The following TLR9 variants were observed in gnomAD, a reference collection of about 807,000 sequenced individuals.
TLR9 encodes toll like receptor 9.
TLR9 carries 19 observed loss-of-function variants against 24.6 expected under a neutral mutation model. The observed-to-expected ratio is 0.77, with a 90% CI of 0.54 to 1.13. TLR9 has a LOEUF of 1.13. Among genes scored for constraint, TLR9 ranks in the 50% most tolerant of loss-of-function variants. The pLI is 0.00. For missense variants in TLR9, 1,065 were observed against 1,379.6 expected, an observed-to-expected ratio of 0.77 and a Z score of 3.61; for synonymous variants, 579 against 609.8, an observed-to-expected ratio of 0.95 and a Z score of 0.74.
Position 52,223,725 on chromosome 3 carries a change from G to C in TLR9, c.591C>G (p.Gly197=). The C allele has an allele frequency of 6.3e-7, 1 of 1,580,906 alleles. No homozygotes were observed. Among genetic ancestry groups the C allele is most frequent in the East Asian group, 2.2e-5 (1 of 44,532 alleles). ...ALEVAPGALL[G]LGNLTHLSLK... is the part of the protein sequence containing the mutation. Reference sequence around the variant, plus strand: ...GTGACAGGTGGGTGAGGTTGCCCAGGCCAAGGAGGGCACCCGGGGCCACCT... The same window carrying C: ...GTGACAGGTGGGTGAGGTTGCCCAGCCCAAGGAGGGCACCCGGGGCCACCT... The change falls in exon 2 of 2, where the codon GGC becomes GGG. Residue 197 remains glycine (G), a synonymous_variant. Transcript: ENST00000360658.
In TLR9 at chr3:52,221,817, G is replaced by A; in HGVS notation, c.2499C>T (p.Pro833=). The A allele has an allele frequency of 1.2e-6, 2 of 1,614,006 alleles. No individual in the cohort carries two copies. Among genetic ancestry groups the A allele is most frequent in the Non-Finnish European group, 1.7e-6 (2 of 1,180,022 alleles). The change falls in exon 2 of 2, where the codon CCC becomes CCT. Residue 833 remains proline (P), a synonymous_variant. Transcript: ENST00000360658. This position sits in a 1 kb window ranked among gnomAD's most constrained non-coding sequence, Gnocchi z 9.9. ...LLAVALGLGV[P]MLHHLCGWDL... is the part of the protein sequence containing the mutation. Reference sequence around the variant, plus strand: ...CCCAGCCACAGAGGTGATGCAGCATGGGCACACCCAGGCCCAGAGCCACAG... The same window carrying A: ...CCCAGCCACAGAGGTGATGCAGCATAGGCACACCCAGGCCCAGAGCCACAG...
chr3:52,222,941 C>A lies in TLR9; in HGVS notation c.1375G>T (p.Asp459Tyr), dbSNP rs746272802. The change falls in exon 2 of 2, where the codon GAC (aspartate) becomes TAC (tyrosine). Residue 459 changes from aspartate (D) to tyrosine (Y), a missense_variant. Coordinates refer to ENST00000360658, the MANE Select transcript of TLR9 (RefSeq NM_017442.4). The part of the protein sequence containing the change: ...QPGDLAPAPV[D>Y]TPSSEDFRPN... ...CTGAAGTCTTCAGAGCTGGGAGTGT[C>A]CACTGGGGCCGGAGCAAGGTCCCCA... 1.3e-6 allele frequency: 2 copies of A among 1,599,252 alleles called. No homozygotes were observed. Among genetic ancestry groups the A allele is most frequent in the Admixed American group, 3.4e-5 (2 of 59,432 alleles).
Position 52,225,318 on chromosome 3 carries a change from G to C in TLR9, c.3+209C>G, listed in dbSNP as rs540118628. Among the ~76,000 whole-genome samples, 23 of 151,842 alleles carry C rather than the reference G, an allele frequency of 1.5e-4. No individual in the cohort carries two copies. The South Asian group carries it at 4.6e-3, about 30-fold the overall frequency. ...AGATCAAGCCACTGCACTCCAGCCT[G>C]GGCAACAAGAGCGAAACTCCGTCTC... On this transcript the variant is annotated intron_variant, in intron 1 of 1. Transcript: ENST00000360658.
chr3:52,223,008 G>T lies in TLR9; in HGVS notation c.1308C>A (p.Thr436=). 1.9e-6 allele frequency: 3 copies of T among 1,589,136 alleles called. No homozygotes were observed. The highest frequency in any genetic ancestry group is 4.5e-5 in the East Asian group (2 of 44,596). The change falls in exon 2 of 2, where the codon ACC becomes ACA. Residue 436 remains threonine (T), a synonymous_variant. Coordinates refer to ENST00000360658, the MANE Select transcript of TLR9 (RefSeq NM_017442.4). Reference sequence around the variant, plus strand: ...TCTCCCCTCCATCTGCCTCCCCCATGGTGGCTGTCAGCTCCGAAGCTCCGC... The same window carrying T: ...TCTCCCCTCCATCTGCCTCCCCCATTGTGGCTGTCAGCTCCGAAGCTCCGC... The part of the protein sequence containing the change: ...RISGASELTA[T]MGEADGGEKV...
chr3:52,221,117 T>C lies in TLR9; in HGVS notation c.*100A>G, dbSNP rs1351123776. On this transcript the variant is annotated 3_prime_UTR_variant, in exon 2 of 2. Transcript: ENST00000360658. The surrounding 1 kb of genome is among the most constrained non-coding windows in gnomAD (Gnocchi z 9.9). Reference sequence around the variant, plus strand: ...GCATTTATTGAGTGCCTGCTCTGTGTCAGGTGTGGGGTGAGGGAGGCGAGC... The same window carrying C: ...GCATTTATTGAGTGCCTGCTCTGTGCCAGGTGTGGGGTGAGGGAGGCGAGC... 2 of 1,113,566 alleles carry C rather than the reference T, an allele frequency of 1.8e-6. No individual in the cohort carries two copies. The allele number at this position is 1,113,566 out of a possible 1,614,324, so 69.0% of individuals were successfully genotyped here. A position where few individuals can be genotyped will look rare whatever the true frequency, so the allele number is the denominator to read the frequency against.
In TLR9 at chr3:52,223,485, G is replaced by T; in HGVS notation, c.831C>A (p.Pro277=). 6.4e-7 allele frequency: 1 copy of T among 1,564,596 alleles called. No homozygotes were observed. Among genetic ancestry groups the T allele is most frequent in the Non-Finnish European group, 8.7e-7 (1 of 1,154,202 alleles). The change falls in exon 2 of 2, where the codon CCC becomes CCA. Residue 277 remains proline, a synonymous_variant. Transcript: ENST00000360658. ...GACGGCTCAGGTGGCTGAAGGTATC[G>T]GGATGTAGCTGGGGGAAGTGACGAG... ...ECPRHFPQLH[P]DTFSHLSRLE...
rs756045938 is a variant in TLR9 at position 52,222,644 on chromosome 3, G to A, written c.1672C>T (p.Pro558Ser). Residue 558 changes from proline to serine, a missense_variant, in exon 2 of 2, where the codon CCC (proline) becomes TCC (serine). Pro to Ser is a moderately conservative substitution (Grantham distance 74). Transcript: ENST00000360658. The part of the protein sequence containing the change: ...EALDLSYNSQ[P>S]FGMQGVGHNF... ...TGGCCCACGCCCTGCATGCCAAAGG[G>A]CTGGCTGTTGTAGCTGAGGTCCAGG... The A allele has an allele frequency of 2.5e-6, 4 of 1,613,922 alleles. No homozygotes were observed. In the Admixed American group the frequency reaches 6.7e-5, roughly 27 times the overall value.
In TLR9 at chr3:52,223,191, G is replaced by A. The variant is rs1261872015; in HGVS notation, c.1125C>T (p.Phe375=). The change falls in exon 2 of 2, where the codon TTC becomes TTT. Residue 375 remains phenylalanine, a synonymous_variant. Coordinates refer to ENST00000360658, the MANE Select transcript of TLR9 (RefSeq NM_017442.4). ...GCGTGGTCTCATCGAGTGAGCGGAA[G>A]AAGATGCCGTGCATGTCCAGCTCCT... is the stretch of plus-strand genomic sequence containing the variant. ...ALKELDMHGI[F]FRSLDETTLR... 1 of 1,613,720 alleles carries A rather than the reference G, an allele frequency of 6.2e-7. No homozygotes were observed. Among genetic ancestry groups the A allele is most frequent in the Admixed American group, 1.7e-5 (1 of 59,980 alleles).
rs200907891 is a variant in TLR9, at chr3:52,222,432, G to A, written c.1884C>T (p.Ser628=). The change falls in exon 2 of 2, where the codon AGC becomes AGT. Residue 628 remains serine, a synonymous_variant. Coordinates refer to ENST00000360658, the MANE Select transcript of TLR9 (RefSeq NM_017442.4). ...GGGACAAGTCCAGCCAGATCAAACC[G>A]CTCAGGCCTTGGAAGAAGTGCAGAT... is the stretch of plus-strand genomic sequence containing the variant. ...DLYLHFFQGL[S]GLIWLDLSQN... 5 of 1,614,058 alleles carry A rather than the reference G, an allele frequency of 3.1e-6. No homozygotes were observed. Among genetic ancestry groups the A allele is most frequent in the South Asian group, 1.1e-5 (1 of 91,088 alleles).
Position 52,223,079 on chromosome 3 carries a change from C to A in TLR9, c.1237G>T (p.Ala413Ser). 1 of 1,610,290 alleles carries A rather than the reference C, an allele frequency of 6.2e-7. No individual in the cohort carries two copies. Residue 413 changes from alanine to serine, a missense_variant, in exon 2 of 2, where the codon GCC becomes TCC. By Grantham distance (99) the Ala-to-Ser change is moderately conservative. Transcript: ENST00000360658. The stretch of plus-strand genomic sequence containing the variant: ...TCCACGTAGCGCAGGCCAGGGAAGG[C>A]CCTGAAGATGCCGAGCTGGGCCTGG... ...INQAQLGIFRAFPGLRYVDLS... is the reference protein window; with the variant it reads ...INQAQLGIFRSFPGLRYVDLS...
chr3:52,222,068 T>C lies in TLR9; in HGVS notation c.2248A>G (p.Ser750Gly), dbSNP rs148411655. 1.4e-4 allele frequency: 231 copies of C among 1,612,486 alleles called. 1 individual carries two copies. The Middle Eastern group carries it at 1.6e-3, about 11-fold the overall frequency. ...VDHSWFGPLASALQILDVSAN... is the reference protein window; with the variant it reads ...VDHSWFGPLAGALQILDVSAN... ...CTTACATCTAGTATTTGCAGGGCACTCGCCAGGGGCCCAAACCAGGAGTGG... is the reference window on the plus strand; with the variant it reads ...CTTACATCTAGTATTTGCAGGGCACCCGCCAGGGGCCCAAACCAGGAGTGG... The change falls in exon 2 of 2, where the codon AGT becomes GGT. Residue 750 changes from serine to glycine, a missense_variant. Coordinates refer to ENST00000360658, the MANE Select transcript of TLR9 (RefSeq NM_017442.4).
At position 52,221,680 on chromosome 3, in the gene TLR9, G is replaced by T. The variant is rs148993494; in HGVS notation, c.2636C>A (p.Thr879Lys). ...PYDAFVVFDK[T>K]QSAVADWVYN... is the part of the protein sequence containing the mutation. ...CACCCAGTCTGCCACTGCGCTCTGCGTTTTGTCGAAGACCACGAAGGCATC... is the reference window on the plus strand; with the variant it reads ...CACCCAGTCTGCCACTGCGCTCTGCTTTTTGTCGAAGACCACGAAGGCATC... Residue 879 changes from threonine (T) to lysine (K), a missense_variant, in exon 2 of 2, where the codon ACG becomes AAG. Thr to Lys is a moderately conservative substitution (Grantham distance 78, BLOSUM62 -1). Coordinates refer to ENST00000360658, the MANE Select transcript of TLR9 (RefSeq NM_017442.4). This position sits in a 1 kb window ranked among gnomAD's most constrained non-coding sequence, Gnocchi z 9.9. The T allele has an allele frequency of 2.5e-6, 4 of 1,613,854 alleles. No individual in the cohort carries two copies. Among genetic ancestry groups the T allele is most frequent in the Admixed American group, 3.3e-5 (2 of 60,004 alleles).
In TLR9 at chr3:52,222,519, C is replaced by G; in HGVS notation, c.1797G>C (p.Ser599=). ...TGCCGCTGAAGTCCAGGGCCCGCAG[C>G]GACGTACTGCAGAGCTGCTGGGACA... is the stretch of plus-strand genomic sequence containing the variant. ...SQVSQQLCST[S]LRALDFSGNA... is the part of the protein sequence containing the mutation. The change falls in exon 2 of 2, where the codon TCG becomes TCC. Residue 599 remains serine, a synonymous_variant. Coordinates refer to ENST00000360658, the MANE Select transcript of TLR9 (RefSeq NM_017442.4). 6.2e-7 allele frequency: 1 copy of G among 1,614,216 alleles called. No individual in the cohort carries two copies. The highest frequency in any genetic ancestry group is 8.5e-7 in the Non-Finnish European group (1 of 1,180,024).
At position 52,224,331 on chromosome 3, in the gene TLR9, T is replaced by G; in HGVS notation, c.4-19A>C. The G allele has an allele frequency of 6.4e-7, 1 of 1,550,542 alleles. No individual in the cohort carries two copies. On this transcript the variant is annotated intron_variant, in intron 1 of 1. Transcript: ENST00000360658. ...AGAAACCCTGTGGGGGTGGGAGGGC[T>G]GTGTGAGTGGCCGGCCCCCAGCTCT...
In TLR9 at chr3:52,222,848, C is replaced by T; in HGVS notation, c.1468G>A (p.Glu490Lys). ...AGGTGCGAGAGCTGGGCAAACATCT[C>T]CGGCTGCACGGTCACCAGGTTGTTC... ...SRNNLVTVQP[E>K]MFAQLSHLQC... The change falls in exon 2 of 2, where the codon GAG (glutamate) becomes AAG (lysine). Residue 490 changes from glutamate (E) to lysine (K), a missense_variant. By Grantham distance (56) the Glu-to-Lys change is moderately conservative. Coordinates refer to ENST00000360658, the MANE Select transcript of TLR9 (RefSeq NM_017442.4). 6.2e-7 allele frequency: 1 copy of T among 1,612,322 alleles called. No individual in the cohort carries two copies. Among genetic ancestry groups the T allele is most frequent in the Non-Finnish European group, 8.5e-7 (1 of 1,178,528 alleles).
intron 1 of TLR9, among the ~76,000 whole-genome samples, 173 bp downstream of exon 1, chr3:52,225,354 A>G (rs1238779705): frequency 6.6e-6 from 1 of 151,948 alleles, no homozygotes; most frequent in African/African-American, 2.4e-5. Context: ...AAAAAAAAAA[A>G]AAAAGAAAAA....
Position 52,222,699 on chromosome 3 carries a change from G to A in TLR9, c.1617C>T (p.His539=). Residue 539 remains histidine (H), a synonymous_variant, in exon 2 of 2, where the codon CAC becomes CAT. Transcript: ENST00000360658. The part of the protein sequence containing the change: ...SHNKLDLYHE[H]SFTELPRLEA... Reference sequence around the variant, plus strand: ...CCAGTCGCGGTAGCTCCGTGAATGAGTGCTCGTGGTAGAGGTCCAGCTTAT... The same window carrying A: ...CCAGTCGCGGTAGCTCCGTGAATGAATGCTCGTGGTAGAGGTCCAGCTTAT... The A allele has an allele frequency of 6.2e-7, 1 of 1,613,268 alleles. No individual in the cohort carries two copies. The highest frequency in any genetic ancestry group is 2.2e-5 in the East Asian group (1 of 44,846).
rs201133673 is a variant in TLR9 at position 52,222,930 on chromosome 3, G to A, written c.1386C>T (p.Ser462=). 7 of 1,601,482 alleles carry A rather than the reference G, an allele frequency of 4.4e-6. No individual in the cohort carries two copies. Among genetic ancestry groups the A allele is most frequent in the Non-Finnish European group, 6.0e-6 (7 of 1,171,270 alleles). Residue 462 remains serine, a synonymous_variant, in exon 2 of 2, where the codon AGC becomes AGT. Coordinates refer to ENST00000360658, the MANE Select transcript of TLR9 (RefSeq NM_017442.4). The part of the protein sequence containing the change: ...DLAPAPVDTP[S]SEDFRPNCST... ...TGCAGTTGGGCCTGAAGTCTTCAGA[G>A]CTGGGAGTGTCCACTGGGGCCGGAG...
Position 52,221,857 on chromosome 3 carries a change from G to A in TLR9, c.2459C>T (p.Ala820Val). ...CAGAGCCACAGCCAGCAGCGAGAGG[G>A]CGAAACAGTCCCAGGAGAGGGCCTC... ...LDEALSWDCF[A>V]LSLLAVALGL... Residue 820 changes from alanine to valine, a missense_variant, in exon 2 of 2, where the codon GCC (alanine) becomes GTC (valine). Transcript: ENST00000360658. The surrounding 1 kb of genome is among the most constrained non-coding windows in gnomAD (Gnocchi z 9.9). 6.2e-7 allele frequency: 1 copy of A among 1,613,910 alleles called. No homozygotes were observed. Among genetic ancestry groups the A allele is most frequent in the Non-Finnish European group, 8.5e-7 (1 of 1,180,028 alleles).
Sources: allele counts gnomAD v4.1 joint callset (sites outside exome capture counted in the v4.1 genomes callset), GRCh38; gene constraint gnomAD v4.1.1; non-coding constraint Gnocchi (gnomAD v3.1); transcripts MANE v1.5; gene names NCBI Gene and HGNC (gene_info 2026-07-23, HGNC 2026-07-21).